The following ABCD2 variants were observed in gnomAD, a reference collection of about 807,000 sequenced individuals.
The protein encoded by ABCD2 is ATP binding cassette subfamily D member 2.
In ABCD2, 36 loss-of-function variants were observed where a neutral mutation model predicts 70.9. The ratio of observed to expected loss-of-function variants is 0.51; its 90% CI spans 0.39 to 0.67. The LOEUF (loss-of-function observed/expected upper bound fraction) is 0.67, where lower values mean the gene tolerates loss of function less well. Ranked by LOEUF, ABCD2 falls within the 30% of genes least tolerant of loss-of-function variation. The pLI, the probability that ABCD2 is intolerant of heterozygous loss-of-function variation, is 0.00. For missense variants in ABCD2, 729 were observed against 890.2 expected (o/e 0.82, Z 2.30); for synonymous variants, 304 against 306.9 (o/e 0.99, Z 0.10).
chr12:39,560,529 T>C (rs1653404845), intron 9 of ABCD2, among the ~76,000 whole-genome samples: 1 of 152,142 alleles, frequency 6.6e-6, no homozygotes, highest in African/African-American at 2.4e-5. Flanking sequence ...TTTGTTAAAG[T>C]ATATACAATA....
Position 39,619,510 on chromosome 12 carries a change from G to A in ABCD2, c.106C>T (p.Leu36Phe), listed in dbSNP as rs914521439. 6 of 1,612,472 alleles carry A rather than the reference G, an allele frequency of 3.7e-6. No individual in the cohort carries two copies. The highest frequency in any genetic ancestry group is 4.2e-6 in the Non-Finnish European group (5 of 1,180,008). ...AAACGCTTGCCAATGATGGGATAGA[G>A]GGTTTTCAGAGCATATGCCGCAGCC... ...LVAAAYALKTLYPIIGKRLKQ... is the reference protein window; with the variant it reads ...LVAAAYALKTFYPIIGKRLKQ... Residue 36 changes from leucine (L) to phenylalanine (F), a missense_variant, in exon 1 of 10, where the codon CTC becomes TTC. Transcript: ENST00000308666.
intron 7 of ABCD2, among the ~76,000 whole-genome samples, chr12:39,582,860 AT>A (rs768887989): frequency 5.7e-3 from 813 of 142,918 alleles, no homozygotes; most frequent in Admixed American, 6.4e-3. Flanking sequence ...TTAGCTACTA[AT>A]TTTTTTTTTT....
chr12:39,587,869 G>A (rs1028844627), intron 6 of ABCD2, among the ~76,000 whole-genome samples: 22 of 152,126 alleles, frequency 1.4e-4, no homozygotes, highest in African/African-American at 5.3e-4. Context: ...ATGGAGGTGG[G>A]GATGAATTAA....
intron 2 of ABCD2, among the ~76,000 whole-genome samples, chr12:39,609,283 A>T (rs1240077895): frequency 1.3e-5 from 2 of 152,160 alleles, no homozygotes; most frequent in African/African-American, 4.8e-5. Flanking sequence ...TATTCCTTAT[A>T]AGCAAGTAGT....
chr12:39,562,483 T>C (rs1025421994), intron 9 of ABCD2, among the ~76,000 whole-genome samples: 2 of 151,924 alleles, frequency 1.3e-5, no homozygotes, highest in East Asian at 1.9e-4. Context: ...AATAAATAAA[T>C]TCAGAGATTA....
intron 5 of ABCD2, among the ~76,000 whole-genome samples, chr12:39,602,307 A>G (rs1419476761): frequency 1.3e-5 from 2 of 151,558 alleles, no homozygotes; most frequent in African/African-American, 4.8e-5. Flanking sequence ...TGCCCACCAC[A>G]ATGCCCGGCT....
chr12:39,567,552 A>T (rs915175437), intron 9 of ABCD2, among the ~76,000 whole-genome samples: 2 of 152,174 alleles, frequency 1.3e-5, no homozygotes, highest in Admixed American at 1.3e-4. Context: ...TCTGGGGAAT[A>T]CAGCACACTG....
intron 8 of ABCD2, 84 bp downstream of exon 8, chr12:39,579,451 C>T: frequency 1.1e-6 from 1 of 909,938 alleles, no homozygotes; most frequent in Non-Finnish European, 1.8e-6. Flanking sequence ...GACGATAAAT[C>T]CTGTCCAAAC....
In ABCD2 at chr12:39,553,097, G is replaced by A. The variant is rs1233728488; in HGVS notation, c.*815C>T. 1.3e-5 allele frequency: 2 copies of A among 151,928 alleles called. No individual in the cohort carries two copies. The highest frequency in any genetic ancestry group is 2.4e-5 in the African/African-American group (1 of 41,424). 9.4% of individuals were successfully genotyped at this position (151,928 alleles called of 1,614,324 possible). A position where few individuals can be genotyped will look rare whatever the true frequency, so the allele number is the denominator to read the frequency against. On this transcript the variant is annotated 3_prime_UTR_variant, in exon 10 of 10. Coordinates refer to ENST00000308666, the MANE Select transcript of ABCD2 (RefSeq NM_005164.4). ...TTTATACCATTGCAGTTCTTAAAAT[G>A]TAGACTCATCCTTGGGCAAAAAAAC...
intron 2 of ABCD2, among the ~76,000 whole-genome samples, chr12:39,613,054 G>A (rs535264885): frequency 4.1e-4 from 63 of 152,316 alleles, no homozygotes; most frequent in African/African-American, 1.5e-3. Flanking sequence ...AACAGCTTTT[G>A]ATATCAAGAG....
At chr12:39,603,560 T>C (rs1021264744) in intron 5 of ABCD2, among the ~76,000 whole-genome samples, 1 of 152,090 alleles carries the variant, frequency 6.6e-6, no homozygotes, top group Non-Finnish European at 1.5e-5. Context: ...ATTCATATTT[T>C]AGTAAATATA....
intron 7 of ABCD2, among the ~76,000 whole-genome samples, chr12:39,585,182 C>CTGATTTCT (rs1941648744): frequency 1.3e-5 from 2 of 152,096 alleles, no homozygotes; most frequent in South Asian, 2.1e-4. Flanking sequence ...TGTGTCTTCT[C>CTGATTTCT]TGATTTCTTT....
At chr12:39,605,053 A>G in intron 3 of ABCD2, 123 bp from the exon 4 acceptor site, 2 of 670,290 alleles carry the variant, frequency 3.0e-6, no homozygotes, top group Non-Finnish European at 4.5e-6. Flanking sequence ...TACATGAGAT[A>G]TATATAATAC....
intron 9 of ABCD2, among the ~76,000 whole-genome samples, chr12:39,570,446 A>G (rs1397305548): frequency 6.6e-6 from 1 of 152,204 alleles, no homozygotes; most frequent in Non-Finnish European, 1.5e-5. Context: ...TTTATAGTCA[A>G]CTGATTTTCA....
intron 9 of ABCD2, among the ~76,000 whole-genome samples, chr12:39,568,897 G>C (rs963787129): frequency 6.6e-6 from 1 of 152,186 alleles, no homozygotes; most frequent in Non-Finnish European, 1.5e-5. Flanking sequence ...GTCCACTCCA[G>C]ACCCTGTTTG....
downstream of ABCD2, chr12:39,549,925 A>T (rs1298727944): frequency 6.6e-6 from 1 of 151,806 alleles, no homozygotes; most frequent in Non-Finnish European, 1.5e-5. Flanking sequence ...AAGTCTGTAA[A>T]TGCAATGATT....
chr12:39,578,275 C>T (rs563206376), intron 8 of ABCD2, among the ~76,000 whole-genome samples: 2 of 152,136 alleles, frequency 1.3e-5, no homozygotes, highest in South Asian at 4.2e-4. Context: ...GAGATCGAGA[C>T]CATCCTGGCT....
At chr12:39,567,216 A>G (rs1354166724) in intron 9 of ABCD2, among the ~76,000 whole-genome samples, 1 of 152,130 alleles carries the variant, frequency 6.6e-6, no homozygotes, top group East Asian at 1.9e-4. Context: ...GATCTGTCTA[A>G]TGTCGACAGT....
downstream of ABCD2, among the ~76,000 whole-genome samples, chr12:39,548,626 C>A (rs1456214373): frequency 6.6e-6 from 1 of 151,714 alleles, no homozygotes; most frequent in East Asian, 1.9e-4. Context: ...TCAGAAAATT[C>A]TTTAGTTTTA....
Sources: gnomAD v4.1 joint callset for allele counts (sites outside exome capture counted in the v4.1 genomes callset) on GRCh38, gnomAD v4.1.1 for gene constraint, MANE v1.5 for transcripts, NCBI Gene and HGNC (gene_info 2026-07-23, HGNC 2026-07-21) for gene names.